CNTFR: variants seen among roughly 807,000 people sequenced by gnomAD.
CNTFR encodes the protein ciliary neurotrophic factor receptor, also known as ciliary neurotrophic factor receptor subunit alpha.
CNTFR carries 12 observed loss-of-function variants against 40.4 expected under a neutral mutation model. The observed-to-expected ratio is 0.30, with a 90% CI of 0.19 to 0.48. The LOEUF (loss-of-function observed/expected upper bound fraction) is 0.48. Among genes scored for constraint, CNTFR ranks in the 20% least tolerant of loss-of-function variants. The pLI, the probability that CNTFR is intolerant of heterozygous loss-of-function variation, is 0.99. For synonymous variants in CNTFR, 202 were observed against 209.6 expected (o/e 0.96, Z 0.31); for missense variants, 414 against 506.8 (o/e 0.82, Z 1.76).
rs185276978 is a variant in CNTFR, at chr9:34,586,279, C to A, written c.-112+3276G>T. 1.2e-4 allele frequency among the ~76,000 whole-genome samples: 19 copies of A among 152,296 alleles called. No homozygotes were observed. The East Asian group carries it at 2.9e-3, about 23-fold the overall frequency. On this transcript the variant is annotated intron_variant, in intron 1 of 9. Coordinates refer to ENST00000378980, the MANE Select transcript of CNTFR (RefSeq NM_147164.3). ...ATGCCCTGGAGCCAGGATAAGGGCT[C>A]AACAGGCAATCCCAGAGACACTGTG...
intron 2 of CNTFR, among the ~76,000 whole-genome samples, chr9:34,572,643 TTC>T (rs1206602973): frequency 2.6e-5 from 4 of 152,176 alleles, no homozygotes; most frequent in Non-Finnish European, 5.9e-5. Flanking sequence ...AAGAGTCAAA[TTC>T]TGGGGCCCCA....
rs778847604 is a variant in CNTFR, at chr9:34,552,869, T to C, written c.769-15A>G. ...GACAGCTCCACCTGCAGCCAGACCA[T>C]GGGGTGGGGGTAAGGACACACCTGG... On this transcript the variant is annotated splice_polypyrimidine_tract_variant and intron_variant, in intron 7 of 9. Transcript: ENST00000378980. The surrounding 1 kb of genome is among the most constrained non-coding windows in gnomAD (Gnocchi z 5.1). The C allele has an allele frequency of 4.4e-6, 7 of 1,607,220 alleles. No homozygotes were observed. Among genetic ancestry groups the C allele is most frequent in the Admixed American group, 1.7e-5 (1 of 59,740 alleles).
At position 34,551,946 on chromosome 9, in the gene CNTFR, T is replaced by A; in HGVS notation, c.*125A>T. ...CGGGCCCGCCGGGGTCTCCACAAAT[T>A]GTGTCTGAAGAGAATGCAAAAGGTC... is the stretch of plus-strand genomic sequence containing the variant. On this transcript the variant is annotated 3_prime_UTR_variant, in exon 10 of 10. Transcript: ENST00000378980. 1 of 735,870 alleles carries A rather than the reference T, an allele frequency of 1.4e-6. No individual in the cohort carries two copies. Among genetic ancestry groups the A allele is most frequent in the East Asian group, 2.7e-5 (1 of 37,306 alleles). 45.6% of individuals were successfully genotyped at this position (735,870 alleles called of 1,614,324 possible). A position where few individuals can be genotyped will look rare whatever the true frequency, so the allele number is the denominator to read the frequency against.
intron 4 of CNTFR, among the ~76,000 whole-genome samples, chr9:34,558,723 G>A (rs773075626): frequency 1.4e-4 from 21 of 152,094 alleles, no homozygotes; most frequent in Non-Finnish European, 2.2e-4. Flanking sequence ...CTTAGTGCCA[G>A]CCCCCAGCAT....
intron 2 of CNTFR, among the ~76,000 whole-genome samples, chr9:34,576,005 G>A (rs982282354): frequency 1.1e-4 from 17 of 150,616 alleles, no homozygotes; most frequent in Non-Finnish European, 2.4e-4. Context: ...GTGCACACAC[G>A]TGCTCACACA....
chr9:34,558,028 A>T (rs1276286979), intron 4 of CNTFR, 44 bp from the exon 5 acceptor site: 1 of 1,399,794 alleles, frequency 7.1e-7, no homozygotes, highest in East Asian at 2.3e-5. Context: ...TGGAGCTCCC[A>T]GTCCCCTGCA....
intron 7 of CNTFR, among the ~76,000 whole-genome samples, chr9:34,555,529 C>A (rs958180197): frequency 1.3e-5 from 2 of 152,066 alleles, no homozygotes; most frequent in African/African-American, 4.8e-5. Context: ...TCTGGCTGTT[C>A]CCCAGAGCTC....
At chr9:34,573,624 C>T (rs988307418) in intron 2 of CNTFR, among the ~76,000 whole-genome samples, 1 of 152,194 alleles carries the variant, frequency 6.6e-6, no homozygotes, top group Non-Finnish European at 1.5e-5. Context: ...CAGCACAGAG[C>T]GGAGGGGACT....
chr9:34,576,649 C>T (rs1826979782), intron 2 of CNTFR, among the ~76,000 whole-genome samples: 1 of 152,256 alleles, frequency 6.6e-6, no homozygotes, highest in Non-Finnish European at 1.5e-5. Flanking sequence ...CTGCTTTCAA[C>T]AGCATTAGGG....
intron 3 of CNTFR, among the ~76,000 whole-genome samples, chr9:34,568,544 G>A (rs1355423439): frequency 2.0e-5 from 3 of 152,072 alleles, no homozygotes; most frequent in Non-Finnish European, 4.4e-5. Context: ...TCCAATCGGT[G>A]CCTCCAACTG....
intron 7 of CNTFR, among the ~76,000 whole-genome samples, chr9:34,553,669 T>C (rs4363285): frequency 0.74 from 112,936 of 152,000 alleles, 43,026 homozygotes; most frequent in Non-Finnish European, 0.84. Flanking sequence ...CTGCTCCATT[T>C]CCTCCTGGAG....
chr9:34,584,321 G>T (rs3763613), intron 1 of CNTFR, among the ~76,000 whole-genome samples: 34,725 of 152,040 alleles, frequency 0.23, 4,024 homozygotes, highest in East Asian at 0.31. Context: ...TAAAACAAAG[G>T]CTCTCTTTCT....
chr9:34,567,565 G>GA (rs1826365953), intron 3 of CNTFR, among the ~76,000 whole-genome samples: 1 of 152,110 alleles, frequency 6.6e-6, no homozygotes, highest in East Asian at 1.9e-4. Flanking sequence ...ACACGTACAA[G>GA]AAGGGCACCA....
chr9:34,576,601 A>T (rs1826976473), intron 2 of CNTFR, among the ~76,000 whole-genome samples: 1 of 152,190 alleles, frequency 6.6e-6, no homozygotes, highest in African/African-American at 2.4e-5. Context: ...TGAGAAAATA[A>T]ATGATTATTC....
At chr9:34,573,882 A>G (rs1826809588) in intron 2 of CNTFR, among the ~76,000 whole-genome samples, 1 of 152,256 alleles carries the variant, frequency 6.6e-6, no homozygotes, top group Admixed American at 6.5e-5. Context: ...AAACAGAGAT[A>G]CATAGACTTG....
intron 3 of CNTFR, among the ~76,000 whole-genome samples, chr9:34,566,648 G>A (rs1217566890): frequency 1.3e-5 from 2 of 152,180 alleles, no homozygotes; most frequent in Non-Finnish European, 2.9e-5. Flanking sequence ...CTGAGGAGGA[G>A]GCTGAAAACT....
At chr9:34,561,229 C>T (rs1341343522) in intron 4 of CNTFR, among the ~76,000 whole-genome samples, 1 of 152,200 alleles carries the variant, frequency 6.6e-6, no homozygotes, top group Non-Finnish European at 1.5e-5. Flanking sequence ...TGACCATAGC[C>T]CTCTCCTCAC....
In CNTFR at chr9:34,552,516, T is replaced by C. The variant is rs1825676386; in HGVS notation, c.949+158A>G. On this transcript the variant is annotated intron_variant, in intron 8 of 9. Transcript: ENST00000378980. This position sits in a 1 kb window ranked among gnomAD's most constrained non-coding sequence, Gnocchi z 5.1. The stretch of plus-strand genomic sequence containing the variant: ...ATGACCCCTACCAAGGATGTCCAGA[T>C]AGCAAGGACCAGGAATGGCAGGAGT... 6.6e-6 allele frequency among the ~76,000 whole-genome samples: 1 copy of C among 151,996 alleles called. No individual in the cohort carries two copies. The highest frequency in any genetic ancestry group is 1.5e-5 in the Non-Finnish European group (1 of 67,974).
In CNTFR at chr9:34,552,668, G is replaced by A; in HGVS notation, c.949+6C>T. 6.2e-7 allele frequency: 1 copy of A among 1,611,938 alleles called. No homozygotes were observed. On this transcript the variant is annotated splice_donor_region_variant and intron_variant, in intron 8 of 9. Transcript: ENST00000378980. The surrounding 1 kb of genome is among the most constrained non-coding windows in gnomAD (Gnocchi z 5.1). ...AGCCAGGAGGTAGGGGCGGGAGCAA[G>A]CTCACCCGCAGCCTGGGCCTCCGTG...
Sources: gnomAD v4.1 joint callset for allele counts (sites outside exome capture counted in the v4.1 genomes callset) on GRCh38, gnomAD v4.1.1 for gene constraint, Gnocchi (gnomAD v3.1) non-coding constraint, MANE v1.5 for transcripts, NCBI Gene and HGNC (gene_info 2026-07-23, HGNC 2026-07-21) for gene names.